The following PIN4 variants were observed in gnomAD, a reference collection of about 807,000 sequenced individuals.
PIN4 encodes peptidyl-prolyl cis-trans isomerase NIMA-interacting 4.
Under a neutral mutation model 8.3 loss-of-function variants are expected in PIN4, and 3 were observed. The observed-to-expected ratio is 0.36, with a 90% CI of 0.16 to 0.93. The LOEUF (loss-of-function observed/expected upper bound fraction) is 0.93. Among genes scored for constraint, PIN4 ranks in the 40% least tolerant of loss-of-function variants. The probability of loss-of-function intolerance (pLI) is 0.44; values close to 1 mark genes in which losing one functional copy is unlikely to be tolerated. For missense variants in PIN4, 75 were observed against 100.6 expected, an observed-to-expected ratio of 0.75 and a Z score of 1.09; for synonymous variants, 18 against 32.5, an observed-to-expected ratio of 0.55 and a Z score of 1.52.
intron 3 of PIN4, among the ~76,000 whole-genome samples, chrX:72,224,163 C>T (rs1454440778): frequency 9.0e-6 from 1 of 111,261 alleles, no homozygotes; most frequent in East Asian, 2.8e-4. Context: ...CTGGGGCGAG[C>T]CTATCAGTAT....
rs375039338 is a variant in PIN4 at position 72,238,882 on chromosome X, G to A, written c.313-23825G>A. 6.6e-5 allele frequency: 79 copies of A among 1,196,100 alleles called. No individual in the cohort carries two copies. The East Asian group carries it at 2.2e-3, about 33-fold the overall frequency. ...CAGCCTGCTCTGGGCTCAAGGCCTCGGCTTCCGGAAACCTTCGGGATGCCT... is the reference window on the plus strand; with the variant it reads ...CAGCCTGCTCTGGGCTCAAGGCCTCAGCTTCCGGAAACCTTCGGGATGCCT... On this transcript the variant is annotated intron_variant, in intron 3 of 3. Transcript: ENST00000423432.
chrX:72,194,107 T>G, intron 2 of PIN4, among the ~76,000 whole-genome samples: 2 of 111,851 alleles, frequency 1.8e-5, no homozygotes, highest in Non-Finnish European at 3.8e-5. Flanking sequence ...GTGTATAAAG[T>G]CTACAGTAGG....
chrX:72,206,020 T>C, intron 3 of PIN4: 1 of 1,211,986 alleles, frequency 8.3e-7, no homozygotes, highest in South Asian at 1.8e-5. Context: ...ATCAGCTATT[T>C]CAATAATGGA....
intron 3 of PIN4, chrX:72,237,807 T>C (rs1161581474): frequency 9.1e-6 from 1 of 110,193 alleles, no homozygotes; most frequent in Non-Finnish European, 1.9e-5. Context: ...AAATAATAAA[T>C]TGGCTGGACA....
chrX:72,247,335 A>G (rs1222666625), intron 3 of PIN4, among the ~76,000 whole-genome samples: 1 of 112,040 alleles, frequency 8.9e-6, no homozygotes, highest in African/African-American at 3.2e-5. Flanking sequence ...TGGCTGTGAG[A>G]TGAACAGGCT....
rs1056571975 is a variant in PIN4, at chrX:72,186,604, CAG to C, written c.117+72_117+73del. 5.8e-6 allele frequency: 4 copies of C among 690,701 alleles called. No individual in the cohort carries two copies. In the African/African-American group the frequency reaches 8.6e-5, roughly 15 times the overall value. 56.9% of individuals were successfully genotyped at this position (690,701 alleles called of 1,213,427 possible). ...TTTATGTGTTAGTACACATAAAAGA[CAG>C]AATGCTTAACTCATTCTAACAGGCT... On this transcript the variant is annotated intron_variant, in intron 2 of 3. Transcript: ENST00000373669.
intron 3 of PIN4, chrX:72,206,645 C>T (rs1317439506): frequency 3.3e-6 from 4 of 1,211,366 alleles, no homozygotes; most frequent in East Asian, 3.0e-5. Flanking sequence ...TCGAATTCAA[C>T]GAGGAATTGA....
intron 3 of PIN4, chrX:72,205,518 T>C: frequency 8.3e-7 from 1 of 1,211,828 alleles, no homozygotes. Flanking sequence ...TAGACTTATT[T>C]ACACTACTGG....
chrX:72,231,285 A>G (rs1312717568), intron 3 of PIN4, among the ~76,000 whole-genome samples: 1 of 112,109 alleles, frequency 8.9e-6, no homozygotes, highest in Non-Finnish European at 1.9e-5. Flanking sequence ...AATGAACCTA[A>G]AAGACATTTT....
At chrX:72,255,273 AAATAATAATAATAAT>A (rs760269851) in intron 3 of PIN4, among the ~76,000 whole-genome samples, 1 of 96,399 alleles carries the variant, frequency 1.0e-5, no homozygotes, top group Non-Finnish European at 2.0e-5. Flanking sequence ...CCATCTCTAA[AAATAATAATAATAAT>A]AATAATAATA....
rs760269851 is a variant in PIN4 at position 72,255,273 on chromosome X, AAAT to A, written c.313-7405_313-7403del. 3.5e-3 allele frequency among the ~76,000 whole-genome samples: 340 copies of A among 96,366 alleles called. 1 individual carries two copies. The highest frequency in any genetic ancestry group is 0.012 in the East Asian group (33 of 2,764). 83.7% of individuals were successfully genotyped at this position (96,366 alleles called of 115,157 possible). On this transcript the variant is annotated intron_variant, in intron 3 of 3. Transcript: ENST00000423432. ...CGACAGAGCAAGACCCCATCTCTAA[AAAT>A]AATAATAATAATAATAATAATAATA... is the stretch of plus-strand genomic sequence containing the variant.
At chrX:72,233,198 C>T (rs2042995645) in intron 3 of PIN4, among the ~76,000 whole-genome samples, 1 of 111,533 alleles carries the variant, frequency 9.0e-6, no homozygotes. Context: ...ACACAGCCTT[C>T]CCTATAAAGT....
chrX:72,213,819 CGT>C (rs1288843819), intron 3 of PIN4, among the ~76,000 whole-genome samples: 1 of 111,648 alleles, frequency 9.0e-6, no homozygotes, highest in Non-Finnish European at 1.9e-5. Flanking sequence ...CCTTGGAATC[CGT>C]GAGGCCAAGA....
At chrX:72,205,922 A>G (rs777628747) in intron 3 of PIN4, 7 of 1,210,903 alleles carry the variant, frequency 5.8e-6, no homozygotes, top group Non-Finnish European at 3.4e-6. Context: ...TCACATGCAT[A>G]CTGTGGTGAA....
intron 1 of PIN4, among the ~76,000 whole-genome samples, chrX:72,185,224 C>T (rs1482999915): frequency 9.2e-6 from 1 of 109,050 alleles, no homozygotes; most frequent in Non-Finnish European, 1.9e-5. Flanking sequence ...CTTAATGGGG[C>T]CAAAAGGCCT....
intron 3 of PIN4, among the ~76,000 whole-genome samples, chrX:72,210,233 AT>A (rs2042846395): frequency 9.2e-6 from 1 of 108,829 alleles, no homozygotes; most frequent in Non-Finnish European, 1.9e-5. Context: ...AAATAAATAA[AT>A]AAATAAATAA....
intron 3 of PIN4, among the ~76,000 whole-genome samples, chrX:72,232,629 C>A (rs773470255): frequency 1.1e-4 from 12 of 110,561 alleles, no homozygotes; most frequent in African/African-American, 3.6e-4. Flanking sequence ...GCTAACATGA[C>A]GAAACCCCGT....
At chrX:72,206,467 T>C (rs2042821051) in intron 3 of PIN4, 2 of 1,211,332 alleles carry the variant, frequency 1.7e-6, no homozygotes, top group Non-Finnish European at 2.2e-6. Context: ...GGAACTGATA[T>C]CTTCTTCCTG....
intron 3 of PIN4, among the ~76,000 whole-genome samples, chrX:72,256,794 C>T (rs1023668764): frequency 9.0e-6 from 1 of 111,669 alleles, no homozygotes; most frequent in Non-Finnish European, 1.9e-5. Context: ...TGAAACAAGT[C>T]GGGCAGCAAG....
Sources: gnomAD v4.1 joint callset for allele counts (sites outside exome capture counted in the v4.1 genomes callset) on GRCh38, gnomAD v4.1.1 for gene constraint, MANE v1.5 for transcripts, NCBI Gene and HGNC (gene_info 2026-07-23, HGNC 2026-07-21) for gene names.